HSP90AA1: variants seen among roughly 807,000 people sequenced by gnomAD.
HSP90AA1 encodes heat shock protein HSP 90-alpha.
Under a neutral mutation model 73.3 loss-of-function variants are expected in HSP90AA1, and 18 were observed. That is an observed-to-expected ratio of 0.25 (90% CI 0.17 to 0.36). The LOEUF (loss-of-function observed/expected upper bound fraction) is 0.36, where lower values mean the gene tolerates loss of function less well. Ranked by LOEUF, HSP90AA1 falls within the 10% of genes least tolerant of loss-of-function variation. The pLI is 1.00. For synonymous variants in HSP90AA1, 477 were observed against 296.9 expected (o/e 1.61, Z -6.24); for missense variants, 704 against 874.2 (o/e 0.81, Z 2.45).
rs558600365 is a variant in HSP90AA1 at position 102,115,275 on chromosome 14, G to C, written c.156-13190C>G. ...CCACTGTATTCCAGTCTGGGTGACA[G>C]AGCAAGATTCCATCTCATAAAACAA... On this transcript the variant is annotated intron_variant, in intron 1 of 11. Coordinates refer to the HSP90AA1 transcript ENST00000334701. Among the ~76,000 whole-genome samples the C allele has an allele frequency of 8.7e-5, 13 of 149,218 alleles. No homozygotes were observed. In the East Asian group the frequency reaches 2.6e-3, roughly 30 times the overall value.
intron 1 of HSP90AA1, among the ~76,000 whole-genome samples, chr14:102,114,583 T>C (rs1178112502): frequency 6.6e-6 from 1 of 152,172 alleles, no homozygotes; most frequent in Non-Finnish European, 1.5e-5. Flanking sequence ...TGCCAGTGTT[T>C]TGAAAGCCCA....
intron 9 of HSP90AA1, 188 bp from the exon 10 acceptor site, chr14:102,082,632 T>G: frequency 1.6e-6 from 1 of 618,562 alleles, no homozygotes; most frequent in Non-Finnish European, 2.8e-6. Flanking sequence ...TGCACAATTT[T>G]TTTTTTGAGA....
chr14:102,139,375 G>A (rs1342341912), exon 1 of HSP90AA1: 3 of 1,597,318 alleles, frequency 1.9e-6, no homozygotes, highest in Non-Finnish European at 2.6e-6. Context: ...CAGGAGGGGT[G>A]GAGCCGTCCC....
intron 1 of HSP90AA1, among the ~76,000 whole-genome samples, chr14:102,106,924 C>T (rs998791470): frequency 6.6e-6 from 1 of 151,884 alleles, no homozygotes; most frequent in Non-Finnish European, 1.5e-5. Flanking sequence ...AAGAATGACA[C>T]AATCCTGAAA....
exon 1 of HSP90AA1, chr14:102,139,570 C>T (rs1359288905): frequency 5.3e-6 from 4 of 755,030 alleles, no homozygotes; most frequent in Non-Finnish European, 8.3e-6. Context: ...AGCCCCGCCG[C>T]GGTTCCCCCT....
At position 102,082,196 on chromosome 14, in the gene HSP90AA1, T is replaced by C. The variant is rs760977308; in HGVS notation, c.2004A>G (p.Glu668=). The C allele has an allele frequency of 2.5e-6, 4 of 1,613,802 alleles. No individual in the cohort carries two copies. Among genetic ancestry groups the C allele is most frequent in the Non-Finnish European group, 2.5e-6 (3 of 1,179,812 alleles). The part of the protein sequence containing the change: ...SVKDLVILLY[E]TALLSSGFSL... Reference sequence around the variant, plus strand: ...TGAAGCCAGAAGACAGGAGCGCAGTTTCATAAAGCAAGATGACCAGATCCT... The same window carrying C: ...TGAAGCCAGAAGACAGGAGCGCAGTCTCATAAAGCAAGATGACCAGATCCT... Residue 668 remains glutamate (E), a synonymous_variant, in exon 10 of 11, where the codon GAA becomes GAG. Transcript: ENST00000216281.
chr14:102,081,543 A>G lies in HSP90AA1; in HGVS notation c.*169T>C. On this transcript the variant is annotated 3_prime_UTR_variant, in exon 11 of 11. Coordinates refer to ENST00000216281, the MANE Select transcript of HSP90AA1 (RefSeq NM_005348.4). ...ATTACTAGCTCTGCTTTAGTGCCTA[A>G]GGTATCACAGCATCACTTAGTAGAC... 1 of 628,332 alleles carries G rather than the reference A, an allele frequency of 1.6e-6. No individual in the cohort carries two copies. 38.9% of individuals were successfully genotyped at this position (628,332 alleles called of 1,614,324 possible).
chr14:102,113,869 C>T (rs938307694), intron 1 of HSP90AA1, among the ~76,000 whole-genome samples: 6 of 152,086 alleles, frequency 3.9e-5, no homozygotes, highest in African/African-American at 1.4e-4. Context: ...TGCCACCATG[C>T]CCCGCTAATT....
rs35232557 is a variant in HSP90AA1, at chr14:102,124,190, A to ATTTT, written c.155+15056_155+15059dup. ...GACAGTTATTGATGTTTGAATGCTA[A>ATTTT]TTTTTTTTTTTTTTTTTTTGAGATG... On this transcript the variant is annotated intron_variant, in intron 1 of 11. Transcript: ENST00000334701. Among the ~76,000 whole-genome samples the ATTTT allele has an allele frequency of 2.9e-4, 37 of 128,108 alleles. 3 individuals are homozygous for ATTTT. Among genetic ancestry groups the ATTTT allele is most frequent in the Admixed American group, 4.4e-4 (5 of 11,354 alleles). 84.0% of individuals were successfully genotyped at this position (128,108 alleles called of 152,430 possible).
chr14:102,086,995 G>C lies in HSP90AA1; in HGVS notation c.-10C>G, dbSNP rs547938193. ...CACAACCACCCGTCACCTTGGCTAA[G>C]TGACCGCACAGGACCAACGGCACAG... On this transcript the variant is annotated 5_prime_UTR_variant, in exon 1 of 11. Coordinates refer to ENST00000216281, the MANE Select transcript of HSP90AA1 (RefSeq NM_005348.4). 2.0e-6 allele frequency: 2 copies of C among 985,188 alleles called. No individual in the cohort carries two copies. Among genetic ancestry groups the C allele is most frequent in the Non-Finnish European group, 2.4e-6 (2 of 830,138 alleles). The allele number at this position is 985,188 out of a possible 1,614,324, so 61.0% of individuals were successfully genotyped here. A position where few individuals can be genotyped will look rare whatever the true frequency, so the allele number is the denominator to read the frequency against.
At chr14:102,084,355 T>C in intron 6 of HSP90AA1, 44 bp downstream of exon 6, 2 of 1,575,566 alleles carry the variant, frequency 1.3e-6, no homozygotes, top group Non-Finnish European at 1.7e-6. Flanking sequence ...CAGAAAGTAC[T>C]TCTTTAATCA....
chr14:102,128,501 C>T (rs147408090), intron 1 of HSP90AA1, among the ~76,000 whole-genome samples: 2,789 of 151,996 alleles, frequency 0.018, 75 homozygotes, highest in African/African-American at 0.052. Context: ...TGGTGGCGGG[C>T]GCCTGTAATC....
chr14:102,082,175 G>C lies in HSP90AA1; in HGVS notation c.2025C>G (p.Gly675=). The C allele has an allele frequency of 1.2e-6, 2 of 1,613,834 alleles. No individual in the cohort carries two copies. Among genetic ancestry groups the C allele is most frequent in the Non-Finnish European group, 1.7e-6 (2 of 1,179,748 alleles). ...LLYETALLSS[G]FSLEDPQTHA... ...GTGTCTGGGGATCTTCCAGACTGAAGCCAGAAGACAGGAGCGCAGTTTCAT... is the reference window on the plus strand; with the variant it reads ...GTGTCTGGGGATCTTCCAGACTGAACCCAGAAGACAGGAGCGCAGTTTCAT... Residue 675 remains glycine (G), a synonymous_variant, in exon 10 of 11, where the codon GGC becomes GGG. Transcript: ENST00000216281.
At chr14:102,116,597 G>T (rs2049710047) in intron 1 of HSP90AA1, among the ~76,000 whole-genome samples, 1 of 152,160 alleles carries the variant, frequency 6.6e-6, no homozygotes, top group African/African-American at 2.4e-5. Flanking sequence ...TGCTGCTCTG[G>T]ACCCTGGCCC....
intron 1 of HSP90AA1, among the ~76,000 whole-genome samples, chr14:102,130,173 G>A (rs892634585): frequency 7.2e-5 from 11 of 152,134 alleles, no homozygotes; most frequent in African/African-American, 2.4e-4. Context: ...ATTTCACCAC[G>A]TTGGTGAGGC....
upstream of HSP90AA1, among the ~76,000 whole-genome samples, chr14:102,091,926 C>T (rs550339404): frequency 6.6e-6 from 1 of 151,950 alleles, no homozygotes; most frequent in Non-Finnish European, 1.5e-5. Flanking sequence ...CACAACTGCC[C>T]TTGGCTCATT....
Position 102,085,936 on chromosome 14 carries a change from C to A in HSP90AA1, c.351G>T (p.Ala117=). Reference sequence around the variant, plus strand: ...CACCAGCCTGCAAAGCTTCCATGAACGCTTTGGTCCCAGACTTGGCGATAG... The same window carrying A: ...CACCAGCCTGCAAAGCTTCCATGAAAGCTTTGGTCCCAGACTTGGCGATAG... ...LGTIAKSGTK[A]FMEALQAGAD... is the part of the protein sequence containing the mutation. Residue 117 remains alanine (A), a synonymous_variant, in exon 3 of 11, where the codon GCG becomes GCT. Coordinates refer to ENST00000216281, the MANE Select transcript of HSP90AA1 (RefSeq NM_005348.4). 6.2e-7 allele frequency: 1 copy of A among 1,613,916 alleles called. No individual in the cohort carries two copies. Among genetic ancestry groups the A allele is most frequent in the Non-Finnish European group, 8.5e-7 (1 of 1,179,802 alleles).
intron 1 of HSP90AA1, among the ~76,000 whole-genome samples, chr14:102,131,163 C>T (rs960623916): frequency 3.3e-5 from 5 of 152,210 alleles, no homozygotes; most frequent in Non-Finnish European, 7.3e-5. Flanking sequence ...ATGTGAAAAA[C>T]GGAATTCCTG....
Position 102,083,106 on chromosome 14 carries a change from C to T in HSP90AA1, c.1683G>A (p.Gln561=), listed in dbSNP as rs367761839. Residue 561 remains glutamine (Q), a synonymous_variant, in exon 9 of 11, where the codon CAG becomes CAA. Coordinates refer to ENST00000216281, the MANE Select transcript of HSP90AA1 (RefSeq NM_005348.4). ...LPEDEEEKKK[Q]EEKKTKFENL... ...TCTCAAACTTTGTTTTTTTCTCTTC[C>T]TGCTTCTTTTTCTCTTCTTCATCCT... The T allele has an allele frequency of 6.8e-6, 11 of 1,613,622 alleles. No homozygotes were observed. The highest frequency in any genetic ancestry group is 8.5e-6 in the Non-Finnish European group (10 of 1,179,752).
Sources: allele counts gnomAD v4.1 joint callset (sites outside exome capture counted in the v4.1 genomes callset), GRCh38; gene constraint gnomAD v4.1.1; transcripts MANE v1.5; gene names NCBI Gene and HGNC (gene_info 2026-07-23, HGNC 2026-07-21).